The following ESR1 variants were observed in gnomAD, a reference collection of about 807,000 sequenced individuals.
ESR1 encodes the protein estrogen receptor.
In ESR1, 12 loss-of-function variants were observed where a neutral mutation model predicts 52.7. That is an observed-to-expected ratio of 0.23 (90% CI 0.15 to 0.37). ESR1 has a LOEUF of 0.37. Ranked by LOEUF, ESR1 falls within the 10% of genes least tolerant of loss-of-function variation. ESR1 has a pLI of 1.00. For synonymous variants in ESR1, 305 were observed against 316.8 expected, an observed-to-expected ratio of 0.96 and a Z score of 0.39; for missense variants, 584 against 779.7, an observed-to-expected ratio of 0.75 and a Z score of 2.99.
At chr6:151,745,883 C>A (rs1783443512) in intron 2 of ESR1, among the ~76,000 whole-genome samples, 1 of 152,110 alleles carries the variant, frequency 6.6e-6, no homozygotes, top group African/African-American at 2.4e-5. Flanking sequence ...ACCAACAACT[C>A]CTTCCCCATT....
At chr6:151,899,303 G>A (rs1796154643) in intron 3 of ESR1, among the ~76,000 whole-genome samples, 1 of 119,466 alleles carries the variant, frequency 8.4e-6, no homozygotes, top group Non-Finnish European at 1.7e-5. Flanking sequence ...GCGGGGGGCT[G>A]ACCCCCCCAC....
intron 4 of ESR1, among the ~76,000 whole-genome samples, chr6:151,976,880 G>T (rs973852866): frequency 6.6e-6 from 1 of 151,812 alleles, no homozygotes; most frequent in Admixed American, 6.6e-5. Context: ...TAAAATATAT[G>T]TAAATATAAA....
chr6:152,114,857 C>G (rs774942497), intron 6 of ESR1, among the ~76,000 whole-genome samples: 1 of 132,734 alleles, frequency 7.5e-6, no homozygotes, highest in East Asian at 2.4e-4. Context: ...CGCCACTGCA[C>G]TCCAGCCTGG....
chr6:152,045,126 A>G (rs1164219096), intron 5 of ESR1, among the ~76,000 whole-genome samples: 5 of 152,180 alleles, frequency 3.3e-5, no homozygotes. Flanking sequence ...ATCTTGGAAG[A>G]AGTGGCAGTG....
Position 152,008,533 on chromosome 6 carries a change from G to C in ESR1, c.1097-3123G>C, listed in dbSNP as rs1683347220. Among the ~76,000 whole-genome samples the C allele has an allele frequency of 5.9e-5, 9 of 152,120 alleles. No homozygotes were observed. In the South Asian group the frequency reaches 1.9e-3, roughly 32 times the overall value. ...AAACTGTCAGACCTAAATAATACTGGAACTGTAAAGTGGGAATTAAAAATT... is the reference window on the plus strand; with the variant it reads ...AAACTGTCAGACCTAAATAATACTGCAACTGTAAAGTGGGAATTAAAAATT... On this transcript the variant is annotated intron_variant, in intron 4 of 7. Coordinates refer to ENST00000206249, the MANE Select transcript of ESR1 (RefSeq NM_000125.4).
upstream of ESR1, among the ~76,000 whole-genome samples, chr6:151,688,567 G>C (rs535743088): frequency 6.6e-6 from 1 of 151,914 alleles, no homozygotes; most frequent in Admixed American, 6.6e-5. Context: ...CACATCTGAG[G>C]ATTCAATCAA....
chr6:151,804,053 A>T (rs1032614696), upstream of ESR1, among the ~76,000 whole-genome samples: 3 of 151,222 alleles, frequency 2.0e-5, no homozygotes, highest in Non-Finnish European at 2.9e-5. Context: ...GTGTGTGTCC[A>T]GCAGGAGAGG....
chr6:151,791,397 AGC>A (rs1449435888), intron 2 of ESR1, among the ~76,000 whole-genome samples: 8 of 152,142 alleles, frequency 5.3e-5, no homozygotes, highest in Non-Finnish European at 7.3e-5. Flanking sequence ...CCATGTAAGA[AGC>A]GCCTTTGCTC....
At chr6:151,903,159 T>A (rs1584097882) in intron 3 of ESR1, among the ~76,000 whole-genome samples, 1 of 152,212 alleles carries the variant, frequency 6.6e-6, no homozygotes, top group African/African-American at 2.4e-5. Context: ...TAATTTTTTT[T>A]ATTAGTAGTG....
chr6:152,056,031 C>T (rs2047074023), intron 5 of ESR1, among the ~76,000 whole-genome samples: 1 of 152,180 alleles, frequency 6.6e-6, no homozygotes, highest in African/African-American at 2.4e-5. Flanking sequence ...TTCAAGATCA[C>T]AAAGTTAGTA....
chr6:152,085,470 T>C (rs2049629353), intron 6 of ESR1, among the ~76,000 whole-genome samples: 1 of 152,148 alleles, frequency 6.6e-6, no homozygotes, highest in South Asian at 2.1e-4. Flanking sequence ...GCTTGTCTCA[T>C]GTTCACAATG....
chr6:151,742,229 A>C (rs1247064727), intron 2 of ESR1, among the ~76,000 whole-genome samples: 1 of 152,150 alleles, frequency 6.6e-6, no homozygotes, highest in Non-Finnish European at 1.5e-5. Context: ...GGGGGTGCAG[A>C]TATCTTTACG....
rs181947426 is a variant in ESR1 at position 151,953,603 on chromosome 6, C to T, written c.1096+9095C>T. On this transcript the variant is annotated intron_variant, in intron 4 of 7. Coordinates refer to ENST00000206249, the MANE Select transcript of ESR1 (RefSeq NM_000125.4). ...GGGTGTGGTGGTGGGTACCTGTAGT[C>T]CCAGCTACTCGGGAGGCTGAGCGGG... Among the ~76,000 whole-genome samples the T allele has an allele frequency of 3.9e-5, 6 of 152,122 alleles. No individual in the cohort carries two copies. The East Asian group carries it at 1.2e-3, about 29-fold the overall frequency.
chr6:151,773,567 C>A (rs1785693898), intron 2 of ESR1, among the ~76,000 whole-genome samples: 3 of 152,192 alleles, frequency 2.0e-5, no homozygotes, highest in Admixed American at 2.0e-4. Flanking sequence ...CAGCTGCTGG[C>A]AGGCAACCGG....
At chr6:151,740,433 G>T (rs1439779614) in intron 2 of ESR1, among the ~76,000 whole-genome samples, 1 of 151,370 alleles carries the variant, frequency 6.6e-6, no homozygotes. Flanking sequence ...ACCACACCTG[G>T]CCATTTTCTG....
chr6:151,932,719 C>T (rs976025146), intron 3 of ESR1, among the ~76,000 whole-genome samples: 2 of 151,890 alleles, frequency 1.3e-5, no homozygotes, highest in Admixed American at 1.3e-4. Context: ...GAATCCTTTC[C>T]CTGTTGCTTG....
chr6:152,085,484 A>G (rs2152476021), intron 6 of ESR1, among the ~76,000 whole-genome samples: 1 of 152,264 alleles, frequency 6.6e-6, no homozygotes, highest in African/African-American at 2.4e-5. Flanking sequence ...CACAATGTCT[A>G]AAGTCTTAAA....
rs1310180189 is a variant in ESR1, at chr6:151,705,566, T to C, written c.-71+3561T>C. Among the ~76,000 whole-genome samples the C allele has an allele frequency of 4.6e-5, 7 of 152,200 alleles. No homozygotes were observed. The East Asian group carries it at 9.6e-4, about 21-fold the overall frequency. ...AAGAACTGACTACAATATAATAATA[T>C]GTGTCCATTTCCACTAATGAATAAG... On this transcript the variant is annotated intron_variant, in intron 2 of 2. Coordinates refer to the ESR1 transcript ENST00000404742.
intron 2 of ESR1, among the ~76,000 whole-genome samples, chr6:151,732,201 T>G (rs1382346328): frequency 6.6e-6 from 1 of 152,168 alleles, no homozygotes; most frequent in Non-Finnish European, 1.5e-5. Context: ...AATTATAAAA[T>G]TGCCACTATA....
Sources: gnomAD v4.1 joint callset for allele counts (sites outside exome capture counted in the v4.1 genomes callset) on GRCh38, gnomAD v4.1.1 for gene constraint, MANE v1.5 for transcripts, NCBI Gene and HGNC (gene_info 2026-07-23, HGNC 2026-07-21) for gene names.